ONECUT2: variants seen among roughly 807,000 people sequenced by gnomAD.
ONECUT2 encodes one cut homeobox 2, also known as one cut domain family member 2.
In ONECUT2, 10 loss-of-function variants were observed where a neutral mutation model predicts 27.9. The observed-to-expected ratio is 0.36, with a 90% CI of 0.22 to 0.61. The LOEUF (loss-of-function observed/expected upper bound fraction) is 0.61, where lower values mean the gene tolerates loss of function less well. Among genes scored for constraint, ONECUT2 ranks in the 20% least tolerant of loss-of-function variants. The pLI, the probability that ONECUT2 is intolerant of heterozygous loss-of-function variation, is 0.73. For missense variants in ONECUT2, 686 were observed against 721.0 expected (o/e 0.95, Z 0.56); for synonymous variants, 334 against 315.1 (o/e 1.06, Z -0.64).
rs1215958438 is a variant in ONECUT2, at chr18:57,486,365, T to G, written c.*9642T>G. 1 of 152,600 alleles carries G rather than the reference T, an allele frequency of 6.6e-6. No individual in the cohort carries two copies. The highest frequency in any genetic ancestry group is 1.5e-5 in the Non-Finnish European group (1 of 68,040). The allele number at this position is 152,600 out of a possible 1,614,324, so 9.5% of individuals were successfully genotyped here. A position where few individuals can be genotyped will look rare whatever the true frequency, so the allele number is the denominator to read the frequency against. On this transcript the variant is annotated 3_prime_UTR_variant, in exon 2 of 2. Coordinates refer to ENST00000491143, the MANE Select transcript of ONECUT2 (RefSeq NM_004852.3). Reference sequence around the variant, plus strand: ...CAATGCAACCCTGCAAAGAACAAGATTTGTACTAATACCAAAGGTTCTTTC... The same window carrying G: ...CAATGCAACCCTGCAAAGAACAAGAGTTGTACTAATACCAAAGGTTCTTTC...
chr18:57,438,413 A>G (rs552934683), intron 1 of ONECUT2, among the ~76,000 whole-genome samples: 13 of 152,216 alleles, frequency 8.5e-5, no homozygotes, highest in Non-Finnish European at 1.8e-4. Flanking sequence ...GTTCCGAGCC[A>G]GCCTCGCACA....
chr18:57,456,497 G>T (rs1362517023), intron 1 of ONECUT2, among the ~76,000 whole-genome samples: 1 of 152,162 alleles, frequency 6.6e-6, no homozygotes, highest in African/African-American at 2.4e-5. Context: ...ATCACCAAAA[G>T]ACAAATACTA....
chr18:57,471,676 C>T (rs2122147068), intron 1 of ONECUT2, among the ~76,000 whole-genome samples: 1 of 152,328 alleles, frequency 6.6e-6, no homozygotes, highest in South Asian at 2.1e-4. Flanking sequence ...AGATTATACA[C>T]AGATGTGTAC....
chr18:57,437,920 T>C (rs2079181726), intron 1 of ONECUT2, among the ~76,000 whole-genome samples: 1 of 152,162 alleles, frequency 6.6e-6, no homozygotes, highest in Non-Finnish European at 1.5e-5. Flanking sequence ...GGGCGCTGAT[T>C]GTGCGCGCCT....
chr18:57,444,401 A>G (rs560534138), intron 1 of ONECUT2: 34 of 456,750 alleles, frequency 7.4e-5, no homozygotes, highest in South Asian at 5.1e-4. Flanking sequence ...AGGCAGCAGC[A>G]GCTCCTTGAG....
In ONECUT2 at chr18:57,477,530, G is replaced by T. The variant is rs2050390581; in HGVS notation, c.*807G>T. 6.6e-6 allele frequency: 1 copy of T among 152,556 alleles called. No homozygotes were observed. Among genetic ancestry groups the T allele is most frequent in the Non-Finnish European group, 1.5e-5 (1 of 68,036 alleles). The allele number at this position is 152,556 out of a possible 1,614,324, so 9.5% of individuals were successfully genotyped here. On this transcript the variant is annotated 3_prime_UTR_variant, in exon 2 of 2. Transcript: ENST00000491143. ...TAAACAGAAGTGAGGAAGGTTCTGG[G>T]TTCACTACATCTGGATTTTCAAGAC... is the stretch of plus-strand genomic sequence containing the variant.
In ONECUT2 at chr18:57,436,418, C is replaced by T. The variant is rs756746181; in HGVS notation, c.702C>T (p.Asn234=). ...LSPLAATPLG[N]GLGGLHNAQQ... ...CGCTGGCCGCCACGCCGCTGGGCAA[C>T]GGGCTAGGCGGCCTCCACAACGCGC... Residue 234 remains asparagine, a synonymous_variant, in exon 1 of 2, where the codon AAC becomes AAT. Transcript: ENST00000491143. The surrounding 1 kb of genome is among the most constrained non-coding windows in gnomAD (Gnocchi z 5.9). 9.9e-6 allele frequency: 16 copies of T among 1,611,536 alleles called. No individual in the cohort carries two copies. Among genetic ancestry groups the T allele is most frequent in the Non-Finnish European group, 1.4e-5 (16 of 1,179,854 alleles).
intron 1 of ONECUT2, among the ~76,000 whole-genome samples, chr18:57,461,924 T>G (rs2050294171): frequency 6.6e-6 from 1 of 152,258 alleles, no homozygotes; most frequent in Non-Finnish European, 1.5e-5. Context: ...TGACAGAGTC[T>G]GCTACAAGAG....
intron 1 of ONECUT2, among the ~76,000 whole-genome samples, chr18:57,467,491 G>A (rs540490724): frequency 2.6e-5 from 4 of 151,906 alleles, no homozygotes; most frequent in African/African-American, 7.3e-5. Context: ...TCGGCCTCCC[G>A]AGTATCTGGG....
Position 57,476,632 on chromosome 18 carries a change from T to C in ONECUT2, c.1424T>C (p.Met475Thr), listed in dbSNP as rs1305783905. 1.9e-6 allele frequency: 3 copies of C among 1,614,094 alleles called. No homozygotes were observed. The Admixed American group carries it at 5.0e-5, about 27-fold the overall frequency. The stretch of plus-strand genomic sequence containing the variant: ...CTCACAACCGTCAGCAACTTCTTCA[T>C]GAACGCCCGGCGCCGCAGCCTGGAG... ...LELTTVSNFFMNARRRSLEKW... is the reference protein window; with the variant it reads ...LELTTVSNFFTNARRRSLEKW... The change falls in exon 2 of 2, where the codon ATG becomes ACG. Residue 475 changes from methionine to threonine, a missense_variant. By Grantham distance (81) the Met-to-Thr change is moderately conservative (BLOSUM62 -1). Coordinates refer to ENST00000491143, the MANE Select transcript of ONECUT2 (RefSeq NM_004852.3).
chr18:57,452,704 C>T (rs1421066020), intron 1 of ONECUT2, among the ~76,000 whole-genome samples: 3 of 152,204 alleles, frequency 2.0e-5, no homozygotes, highest in Non-Finnish European at 4.4e-5. Flanking sequence ...GGATTACAGG[C>T]GTGCGCCACC....
chr18:57,464,995 A>G (rs2050312719), intron 1 of ONECUT2, among the ~76,000 whole-genome samples: 1 of 152,168 alleles, frequency 6.6e-6, no homozygotes, highest in Non-Finnish European at 1.5e-5. Context: ...TGAGTCATTA[A>G]ATAACTAAGA....
At chr18:57,448,839 A>G (rs2050215058) in intron 1 of ONECUT2, among the ~76,000 whole-genome samples, 1 of 152,186 alleles carries the variant, frequency 6.6e-6, no homozygotes, top group African/African-American at 2.4e-5. Flanking sequence ...ATCTGTTTTG[A>G]CCCTAAATAC....
rs1847429722 is a variant in ONECUT2, at chr18:57,490,781, GA to G, written c.*14063del. 1 of 152,310 alleles carries G rather than the reference GA, an allele frequency of 6.6e-6. No homozygotes were observed. Among genetic ancestry groups the G allele is most frequent in the Non-Finnish European group, 1.5e-5 (1 of 68,010 alleles). The allele number at this position is 152,310 out of a possible 1,614,324, so 9.4% of individuals were successfully genotyped here. A position where few individuals can be genotyped will look rare whatever the true frequency, so the allele number is the denominator to read the frequency against. ...GTATTATTGCCAAGAAAATCGTAGG[GA>G]AAAACTTTAAACTTTTCTTTTCAGT... On this transcript the variant is annotated 3_prime_UTR_variant, in exon 2 of 2. Transcript: ENST00000491143.
At chr18:57,474,994 T>A (rs2122151663) in intron 1 of ONECUT2, among the ~76,000 whole-genome samples, 1 of 151,986 alleles carries the variant, frequency 6.6e-6, no homozygotes, top group South Asian at 2.1e-4. Context: ...CTTTCCCCAG[T>A]TTTTCCTGTT....
intron 1 of ONECUT2, among the ~76,000 whole-genome samples, chr18:57,448,403 A>C (rs1381037887): frequency 6.6e-6 from 1 of 152,208 alleles, no homozygotes; most frequent in Non-Finnish European, 1.5e-5. Flanking sequence ...CCAAAACAAA[A>C]CAAACCTGGT....
At chr18:57,464,893 A>G (rs1419709347) in intron 1 of ONECUT2, among the ~76,000 whole-genome samples, 9 of 152,234 alleles carry the variant, frequency 5.9e-5, no homozygotes, top group Admixed American at 5.2e-4. Context: ...TTAGTAAGCT[A>G]GAGTATGTCT....
At position 57,436,135 on chromosome 18, in the gene ONECUT2, C is replaced by A. The variant is rs768293181; in HGVS notation, c.419C>A (p.Pro140His). 6.2e-7 allele frequency: 1 copy of A among 1,604,008 alleles called. No homozygotes were observed. The highest frequency in any genetic ancestry group is 1.3e-5 in the African/African-American group (1 of 75,038). ...AMSMSCDSSP[P>H]GMGMSNTYTT... The stretch of plus-strand genomic sequence containing the variant: ...AGCATGTCCTGCGACTCGTCTCCGC[C>A]TGGCATGGGCATGAGCAACACCTAC... Residue 140 changes from proline to histidine, a missense_variant, in exon 1 of 2, where the codon CCT becomes CAT. Pro to His is a moderately conservative substitution (Grantham distance 77). Transcript: ENST00000491143. The surrounding 1 kb of genome is among the most constrained non-coding windows in gnomAD (Gnocchi z 5.9).
rs1248840295 is a variant in ONECUT2 at position 57,483,251 on chromosome 18, T to A, written c.*6528T>A. 2 of 152,622 alleles carry A rather than the reference T, an allele frequency of 1.3e-5. No homozygotes were observed. Among genetic ancestry groups the A allele is most frequent in the Non-Finnish European group, 2.9e-5 (2 of 68,028 alleles). 9.5% of individuals were successfully genotyped at this position (152,622 alleles called of 1,614,324 possible). ...TACTGCGGTCTTGGGGAGACTGCGT[T>A]AGCTAGTGGGGAGTGGTGATTTTTT... On this transcript the variant is annotated 3_prime_UTR_variant, in exon 2 of 2. Coordinates refer to ENST00000491143, the MANE Select transcript of ONECUT2 (RefSeq NM_004852.3).
Sources: gnomAD v4.1 joint callset for allele counts (sites outside exome capture counted in the v4.1 genomes callset) on GRCh38, gnomAD v4.1.1 for gene constraint, Gnocchi (gnomAD v3.1) non-coding constraint, MANE v1.5 for transcripts, NCBI Gene and HGNC (gene_info 2026-07-23, HGNC 2026-07-21) for gene names.